The following NR1D2 variants were observed in gnomAD, a reference collection of about 807,000 sequenced individuals.
NR1D2 encodes the protein nuclear receptor subfamily 1 group D member 2, also known as V-erbA-related protein 1-related.
Under a neutral mutation model 52.2 loss-of-function variants are expected in NR1D2, and 25 were observed. The ratio of observed to expected loss-of-function variants is 0.48; its 90% CI spans 0.35 to 0.67. The LOEUF (loss-of-function observed/expected upper bound fraction) is 0.67. Among genes scored for constraint, NR1D2 ranks in the 30% least tolerant of loss-of-function variants. The pLI, the probability that NR1D2 is intolerant of heterozygous loss-of-function variation, is 0.01. For synonymous variants in NR1D2, 259 were observed against 230.1 expected (o/e 1.13, Z -1.14); for missense variants, 681 against 707.2 (o/e 0.96, Z 0.42).
chr3:23,958,564 C>T (rs145212119), intron 3 of NR1D2, among the ~76,000 whole-genome samples: 56 of 149,600 alleles, frequency 3.7e-4, no homozygotes, highest in African/African-American at 8.9e-4. Context: ...TGCTTGAGCC[C>T]GGGAGTTCGA....
At chr3:23,945,678 G>A (rs1391083044) in intron 1 of NR1D2, 84 bp downstream of exon 1, 1 of 951,678 alleles carries the variant, frequency 1.1e-6, no homozygotes, top group Admixed American at 4.9e-5. Flanking sequence ...GGCGGCAGGG[G>A]GTGTCCCCAT....
At chr3:23,975,492 C>A (rs182075059) in intron 7 of NR1D2, among the ~76,000 whole-genome samples, 140 of 152,196 alleles carry the variant, frequency 9.2e-4, no homozygotes, top group African/African-American at 3.3e-3. Context: ...GATAAACTGG[C>A]CAGGTGCAGT....
In NR1D2 at chr3:23,956,058, T is replaced by C. The variant is rs1575149226; in HGVS notation, c.305T>C (p.Leu102Pro). 1.9e-6 allele frequency: 3 copies of C among 1,614,016 alleles called. No individual in the cohort carries two copies. The change falls in exon 3 of 8, where the codon CTG (leucine) becomes CCG (proline). Residue 102 changes from leucine to proline, a missense_variant. Leu to Pro is a moderately conservative substitution (Grantham distance 98, BLOSUM62 -3). Around this residue, in one of 3 missense-constraint regions of NR1D2, gnomAD observed 112 missense variants for 162.3 expected, o/e 0.69. Transcript: ENST00000312521. ...CTAGAATTTAGTGGCATGGTTCTACTGTGTAAAGTCTGTGGGGATGTGGCG... is the reference window on the plus strand; with the variant it reads ...CTAGAATTTAGTGGCATGGTTCTACCGTGTAAAGTCTGTGGGGATGTGGCG... Reference protein sequence around the residue: ...GVTKFSGMVLLCKVCGDVASG... With the variant: ...GVTKFSGMVLPCKVCGDVASG...
chr3:23,975,885 TC>T (rs2125299927), intron 7 of NR1D2, among the ~76,000 whole-genome samples: 1 of 152,374 alleles, frequency 6.6e-6, no homozygotes, highest in South Asian at 2.1e-4. Flanking sequence ...ATGACCTTTT[TC>T]AGCTATCACT....
chr3:23,976,374 G>A (rs1392143182), intron 7 of NR1D2, among the ~76,000 whole-genome samples: 3 of 152,238 alleles, frequency 2.0e-5, no homozygotes, highest in Non-Finnish European at 4.4e-5. Context: ...GATATGATAT[G>A]TGCCTCTGAC....
chr3:23,963,482 C>T, intron 5 of NR1D2: 1 of 846,980 alleles, frequency 1.2e-6, no homozygotes, highest in Non-Finnish European at 1.4e-6. Context: ...GACATTCTTG[C>T]TCTGTTGCCC....
rs181554306 is a variant in NR1D2, at chr3:23,948,241, A to G, written c.16+2647A>G. 1.1e-4 allele frequency among the ~76,000 whole-genome samples: 17 copies of G among 152,300 alleles called. No individual in the cohort carries two copies. The East Asian group carries it at 3.1e-3, about 28-fold the overall frequency. On this transcript the variant is annotated intron_variant, in intron 1 of 7. Coordinates refer to ENST00000312521, the MANE Select transcript of NR1D2 (RefSeq NM_005126.5). ...CTAGTTTGGTTATCAGTTGACAAAC[A>G]TTCAACCAGTGATCCTGTAATCTTA... is the stretch of plus-strand genomic sequence containing the variant.
chr3:23,975,962 G>A (rs931648220), intron 7 of NR1D2, among the ~76,000 whole-genome samples: 2 of 152,162 alleles, frequency 1.3e-5, no homozygotes, highest in African/African-American at 4.8e-5. Flanking sequence ...CAGAAGTTTT[G>A]ATTCCTTGTA....
At chr3:23,952,507 C>T (rs990110019) in intron 1 of NR1D2, among the ~76,000 whole-genome samples, 6 of 151,538 alleles carry the variant, frequency 4.0e-5, no homozygotes, top group South Asian at 2.1e-4. Flanking sequence ...GTCGGAAGTT[C>T]GTGACCAGCC....
chr3:23,951,630 TA>T (rs1175712724), intron 1 of NR1D2, among the ~76,000 whole-genome samples: 4 of 152,262 alleles, frequency 2.6e-5, no homozygotes, highest in African/African-American at 9.6e-5. Flanking sequence ...CACAGGGTAT[TA>T]ATGATATTCT....
intron 1 of NR1D2, chr3:23,946,217 C>T (rs955558309): frequency 1.3e-4 from 131 of 985,314 alleles, no homozygotes; most frequent in Non-Finnish European, 1.4e-4. Context: ...GGCGCTGACA[C>T]CGCAGTGCAC....
chr3:23,957,705 C>T (rs1706124459), intron 3 of NR1D2, among the ~76,000 whole-genome samples: 1 of 150,058 alleles, frequency 6.7e-6, no homozygotes, highest in Admixed American at 6.6e-5. Flanking sequence ...GCCTGGGCGA[C>T]AGAGCCAGAT....
chr3:23,960,056 T>A (rs990797301), intron 4 of NR1D2: 2 of 306,536 alleles, frequency 6.5e-6, no homozygotes, highest in Non-Finnish European at 1.2e-5. Flanking sequence ...AAGAGCCATT[T>A]TTTTTCTGTG....
intron 4 of NR1D2, among the ~76,000 whole-genome samples, chr3:23,960,821 GTTGT>G (rs1163596954): frequency 2.6e-5 from 4 of 152,204 alleles, no homozygotes; most frequent in African/African-American, 9.7e-5. Flanking sequence ...ACATGATTAA[GTTGT>G]TTGTTTTTGG....
At chr3:23,945,812 G>C (rs955010645) in intron 1 of NR1D2, among the ~76,000 whole-genome samples, 3 of 150,464 alleles carry the variant, frequency 2.0e-5, no homozygotes, top group Admixed American at 6.6e-5. Context: ...GCGGCCTGCC[G>C]GCGCCCGGCC....
At chr3:23,971,958 T>C (rs1239928819) in intron 7 of NR1D2, among the ~76,000 whole-genome samples, 1 of 152,242 alleles carries the variant, frequency 6.6e-6, no homozygotes, top group East Asian at 1.9e-4. Context: ...GTTGAAATGG[T>C]AAAGAATAAT....
In NR1D2 at chr3:23,961,923, T is replaced by C. The variant is rs528923015; in HGVS notation, c.518-54T>C. ...TGGATAATTTTGTGTTATTCTTTTA[T>C]ACAAAACAGGTCTTATTTAGAATAT... On this transcript the variant is annotated intron_variant, in intron 4 of 7. Coordinates refer to ENST00000312521, the MANE Select transcript of NR1D2 (RefSeq NM_005126.5). The C allele has an allele frequency of 1.5e-4, 223 of 1,491,986 alleles. No homozygotes were observed. In the East Asian group the frequency reaches 5.0e-3, roughly 34 times the overall value. The allele number at this position is 1,491,986 out of a possible 1,614,324, so 92.4% of individuals were successfully genotyped here.
chr3:23,968,803 G>C (rs983385309), intron 7 of NR1D2, among the ~76,000 whole-genome samples: 2 of 152,178 alleles, frequency 1.3e-5, no homozygotes, highest in Non-Finnish European at 2.9e-5. Flanking sequence ...GTATGTCTAA[G>C]TAAGTGCCAG....
At chr3:23,951,055 G>A (rs557980652) in intron 1 of NR1D2, among the ~76,000 whole-genome samples, 5 of 151,906 alleles carry the variant, frequency 3.3e-5, no homozygotes, top group South Asian at 2.1e-4. Flanking sequence ...ACAGGCATGC[G>A]CCACCACACC....
Sources: gnomAD v4.1 joint callset for allele counts (sites outside exome capture counted in the v4.1 genomes callset) on GRCh38, gnomAD v4.1.1 for gene constraint, gnomAD v4.1.1 regional missense constraint, MANE v1.5 for transcripts, NCBI Gene and HGNC (gene_info 2026-07-23, HGNC 2026-07-21) for gene names.